Variants in PROZ observed in about 807,000 individuals in gnomAD.
PROZ encodes protein Z, vitamin K dependent plasma glycoprotein, also known as vitamin K-dependent protein Z.
In PROZ, 46 loss-of-function variants were observed where a neutral mutation model predicts 34.9. The observed-to-expected ratio is 1.32, with a 90% CI of 1.04 to 1.69. The LOEUF (loss-of-function observed/expected upper bound fraction) is 1.69. Ranked by LOEUF, PROZ falls within the 40% of genes most tolerant of loss-of-function variation. The pLI, the probability that PROZ is intolerant of heterozygous loss-of-function variation, is 0.00. For missense variants in PROZ, 530 were observed against 520.4 expected, an observed-to-expected ratio of 1.02 and a Z score of -0.18; for synonymous variants, 195 against 208.5, an observed-to-expected ratio of 0.94 and a Z score of 0.56.
chr13:113,161,846 CCATCCTCCTCCT>C (rs2036770302), intron 3 of PROZ, among the ~76,000 whole-genome samples: 1 of 50,050 alleles, frequency 2.0e-5, no homozygotes, highest in Non-Finnish European at 4.1e-5. Flanking sequence ...CCACGTCCCC[CCATCCTCCTCCT>C]GCTCAGGTCC....
At chr13:113,163,424 G>C (rs899622137) in intron 4 of PROZ, among the ~76,000 whole-genome samples, 2 of 152,142 alleles carry the variant, frequency 1.3e-5, no homozygotes, top group African/African-American at 4.8e-5. Flanking sequence ...CAGGCTGGGG[G>C]GGTCACACAC....
chr13:113,159,103 A>C lies in PROZ; in HGVS notation c.70+373A>C, dbSNP rs1283522377. 2 of 989,884 alleles carry C rather than the reference A, an allele frequency of 2.0e-6. No homozygotes were observed. Among genetic ancestry groups the C allele is most frequent in the Admixed American group, 2.0e-5 (1 of 48,814 alleles). 61.3% of individuals were successfully genotyped at this position (989,884 alleles called of 1,614,324 possible). A position where few individuals can be genotyped will look rare whatever the true frequency, so the allele number is the denominator to read the frequency against. On this transcript the variant is annotated intron_variant, in intron 1 of 7. Coordinates refer to ENST00000375547, the MANE Select transcript of PROZ (RefSeq NM_003891.3). The surrounding 1 kb of genome is among the most constrained non-coding windows in gnomAD (Gnocchi z 4.6). ...CCCAGACTGCAATGTGGGCAGAGAGAGCCTTGGCCAGGCCAGCCAGGAATG... is the reference window on the plus strand; with the variant it reads ...CCCAGACTGCAATGTGGGCAGAGAGCGCCTTGGCCAGGCCAGCCAGGAATG...
rs2036726774 is a variant in PROZ, at chr13:113,159,666, G to T, written c.71-348G>T. ...AGGAGCTGATGGCTCTTGGTCCCCA[G>T]TTCTCAGTACGGGGACCTTTGACCC... On this transcript the variant is annotated intron_variant, in intron 1 of 7. Coordinates refer to ENST00000375547, the MANE Select transcript of PROZ (RefSeq NM_003891.3). The surrounding 1 kb of genome is among the most constrained non-coding windows in gnomAD (Gnocchi z 4.6). 6.6e-6 allele frequency among the ~76,000 whole-genome samples: 1 copy of T among 152,224 alleles called. No individual in the cohort carries two copies. The highest frequency in any genetic ancestry group is 2.4e-5 in the African/African-American group (1 of 41,462).
intron 5 of PROZ, 157 bp from the exon 6 acceptor site, chr13:113,164,896 G>A (rs923781765): frequency 3.1e-6 from 3 of 955,156 alleles, no homozygotes; most frequent in African/African-American, 1.6e-5. Flanking sequence ...TCCAGTCTGT[G>A]TGTCTGTGAA....
chr13:113,167,831 TTTTA>T (rs1595122107), intron 6 of PROZ, among the ~76,000 whole-genome samples: 2 of 151,680 alleles, frequency 1.3e-5, no homozygotes, highest in East Asian at 3.9e-4. Flanking sequence ...TCTTGCTATC[TTTTA>T]TTTTTCTTAT....
chr13:113,159,105 C>A lies in PROZ; in HGVS notation c.70+375C>A. ...CAGACTGCAATGTGGGCAGAGAGAG[C>A]CTTGGCCAGGCCAGCCAGGAATGCC... On this transcript the variant is annotated intron_variant, in intron 1 of 7. Transcript: ENST00000375547. This position sits in a 1 kb window ranked among gnomAD's most constrained non-coding sequence, Gnocchi z 4.6. 1 of 1,034,114 alleles carries A rather than the reference C, an allele frequency of 9.7e-7. No homozygotes were observed. Among genetic ancestry groups the A allele is most frequent in the Non-Finnish European group, 1.5e-6 (1 of 684,366 alleles). 64.1% of individuals were successfully genotyped at this position (1,034,114 alleles called of 1,614,324 possible). A position where few individuals can be genotyped will look rare whatever the true frequency, so the allele number is the denominator to read the frequency against.
intron 5 of PROZ, 99 bp from the exon 6 acceptor site, chr13:113,164,954 C>A: frequency 8.3e-7 from 1 of 1,198,648 alleles, no homozygotes. Context: ...ATGGTTAGTA[C>A]CATAGACGGA....
At chr13:113,170,283 G>C in intron 6 of PROZ, 130 bp from the exon 7 acceptor site, 1 of 624,518 alleles carries the variant, frequency 1.6e-6, no homozygotes, top group Non-Finnish European at 2.9e-6. Context: ...AATCAAATAC[G>C]GCTGTCTGCC....
intron 6 of PROZ, among the ~76,000 whole-genome samples, chr13:113,168,752 C>T (rs1000010267): frequency 5.9e-5 from 9 of 151,786 alleles, no homozygotes; most frequent in East Asian, 1.9e-4. Context: ...TTTTTGAGAC[C>T]GGGTCTCGCC....
At chr13:113,164,089 C>T (rs1204360207) in intron 4 of PROZ, among the ~76,000 whole-genome samples, 2 of 151,890 alleles carry the variant, frequency 1.3e-5, no homozygotes, top group Admixed American at 6.6e-5. Flanking sequence ...AAGTGATTCT[C>T]CTGCCTCAGC....
At chr13:113,164,426 A>G in intron 4 of PROZ, 87 bp from the exon 5 acceptor site, 2 of 1,475,332 alleles carry the variant, frequency 1.4e-6, no homozygotes, top group Non-Finnish European at 1.9e-6. Context: ...TAAAATGAAC[A>G]TGGACCAACA....
At position 113,160,128 on chromosome 13, in the gene PROZ, T is replaced by C; in HGVS notation, c.185T>C (p.Ile62Thr). 1 of 1,614,098 alleles carries C rather than the reference T, an allele frequency of 6.2e-7. No individual in the cohort carries two copies. The highest frequency in any genetic ancestry group is 1.1e-5 in the South Asian group (1 of 91,088). The part of the protein sequence containing the change: ...GNLEKECYEE[I>T]CVYEEAREVF... ...TTGGAAAAAGAATGTTATGAAGAAA[T>C]CTGTGTCTATGAAGAAGCAAGAGAA... The change falls in exon 2 of 8, where the codon ATC becomes ACC. Residue 62 changes from isoleucine to threonine, a missense_variant. Physicochemically the swap from Ile to Thr is moderately conservative, Grantham distance 89 (BLOSUM62 -1). Coordinates refer to ENST00000375547, the MANE Select transcript of PROZ (RefSeq NM_003891.3).
At chr13:113,160,477 AG>A (rs766090958) in intron 2 of PROZ, among the ~76,000 whole-genome samples, 7 of 152,346 alleles carry the variant, frequency 4.6e-5, no homozygotes, top group South Asian at 2.1e-4. Flanking sequence ...CTAGGCTTCA[AG>A]TCTGAATAAT....
intron 3 of PROZ, 64 bp from the exon 4 acceptor site, chr13:113,162,945 C>CCCT (rs2036789011): frequency 1.0e-6 from 1 of 957,012 alleles, no homozygotes; most frequent in Non-Finnish European, 1.5e-6. Flanking sequence ...ACCACCCCCA[C>CCCT]CCTCCTCCTG....
chr13:113,165,108 C>A lies in PROZ; in HGVS notation c.561C>A (p.Asp187Glu), dbSNP rs780445721. 6 of 1,611,966 alleles carry A rather than the reference C, an allele frequency of 3.7e-6. No homozygotes were observed. Among genetic ancestry groups the A allele is most frequent in the Non-Finnish European group, 5.1e-6 (6 of 1,179,978 alleles). The change falls in exon 6 of 8, where the codon GAC becomes GAA. Residue 187 changes from aspartate to glutamate, a missense_variant. Asp to Glu is a conservative substitution (Grantham distance 45). Coordinates refer to ENST00000375547, the MANE Select transcript of PROZ (RefSeq NM_003891.3). ...AGAAGCGTGCACCGGATCTACAGGA[C>A]CTCCCGTGGCAGGTAACAGAGCGCT... ...TSEKRAPDLQ[D>E]LPWQVKLTNS...
chr13:113,168,398 T>C (rs1231092941), intron 6 of PROZ, among the ~76,000 whole-genome samples: 1 of 152,208 alleles, frequency 6.6e-6, no homozygotes, highest in African/African-American at 2.4e-5. Context: ...TTTGTTCATC[T>C]TCATCTATGA....
chr13:113,171,145 A>G lies in PROZ; in HGVS notation c.692-449A>G, dbSNP rs1191962724. Among the ~76,000 whole-genome samples, 3 of 151,826 alleles carry G rather than the reference A, an allele frequency of 2.0e-5. No homozygotes were observed. Among genetic ancestry groups the G allele is most frequent in the African/African-American group, 7.3e-5 (3 of 41,274 alleles). On this transcript the variant is annotated intron_variant, in intron 7 of 7. Transcript: ENST00000375547. This position sits in a 1 kb window ranked among gnomAD's most constrained non-coding sequence, Gnocchi z 5.1. ...TGCTATGTTGGAAAAGCTGGTCTTT[A>G]CTCCTGGCCTTAAGTGATCGACCTG...
At chr13:113,165,654 C>A (rs759909464) in intron 6 of PROZ, among the ~76,000 whole-genome samples, 2 of 152,206 alleles carry the variant, frequency 1.3e-5, no homozygotes, top group Non-Finnish European at 2.9e-5. Context: ...CCTCCACCTC[C>A]TGAGTAGCTG....
At position 113,165,061 on chromosome 13, in the gene PROZ, G is replaced by T. The variant is rs761232515; in HGVS notation, c.514G>T (p.Ala172Ser). The change falls in exon 6 of 8, where the codon GCC (alanine) becomes TCC (serine). Residue 172 changes from alanine (A) to serine (S), a missense_variant. Ala to Ser is a moderately conservative substitution (Grantham distance 99). Transcript: ENST00000375547. ...TGCTGCCGCAAATGCAGACCAGTGTGCCTGCGGGGTGCTGACCTCTGAGAA... is the reference window on the plus strand; with the variant it reads ...TGCTGCCGCAAATGCAGACCAGTGTTCCTGCGGGGTGCTGACCTCTGAGAA... ...HKQCVPHDQC[A>S]CGVLTSEKRA... 6.8e-6 allele frequency: 11 copies of T among 1,613,458 alleles called. No homozygotes were observed. In the East Asian group the frequency reaches 2.5e-4, roughly 36 times the overall value.
Sources: gnomAD v4.1 joint callset for allele counts (sites outside exome capture counted in the v4.1 genomes callset) on GRCh38, gnomAD v4.1.1 for gene constraint, Gnocchi (gnomAD v3.1) non-coding constraint, MANE v1.5 for transcripts, NCBI Gene and HGNC (gene_info 2026-07-23, HGNC 2026-07-21) for gene names.